Variants in ZPBP observed in about 807,000 individuals in gnomAD.
ZPBP encodes the protein zona pellucida-binding protein 1.
ZPBP carries 26 observed loss-of-function variants against 44.8 expected under a neutral mutation model. The ratio of observed to expected loss-of-function variants is 0.58; its 90% confidence interval spans 0.43 to 0.81. The LOEUF is 0.81. ZPBP is among the 30% of genes least tolerant of loss of function. ZPBP has a pLI of 0.00. For synonymous variants in ZPBP, 174 were observed against 153.2 expected (o/e 1.14, Z -1.00); for missense variants, 409 against 434.0 (o/e 0.94, Z 0.51).
intron 3 of ZPBP, 114 bp downstream of exon 3, chr7:50,081,659 CA>C (rs1289408820): frequency 7.5e-7 from 1 of 1,329,230 alleles, no homozygotes. Context: ...AAGGAAATCA[CA>C]AGAAAAAGAA....
At chr7:49,906,618 G>A (rs1163409037) in intron 1 of ZPBP, among the ~76,000 whole-genome samples, 1 of 152,158 alleles carries the variant, frequency 6.6e-6, no homozygotes, top group East Asian at 1.9e-4. Flanking sequence ...TTACAGGCGT[G>A]AGCCACCGCA....
chr7:49,985,713 A>T (rs912534284), intron 6 of ZPBP, among the ~76,000 whole-genome samples: 2 of 151,822 alleles, frequency 1.3e-5, no homozygotes, highest in Non-Finnish European at 2.9e-5. Context: ...GGAGGCAGAT[A>T]AGGGAGGATC....
intron 7 of ZPBP, among the ~76,000 whole-genome samples, chr7:49,980,324 A>G (rs955395426): frequency 5.2e-5 from 7 of 135,364 alleles, no homozygotes; most frequent in Non-Finnish European, 9.2e-5. Context: ...TATATAATAT[A>G]TAACATATAT....
rs925803149 is a variant in ZPBP at position 49,983,483 on chromosome 7, C to T, written c.820G>A (p.Val274Ile). ...NLIERFFNQQVEILGRRAEQL... is the reference protein window; with the variant it reads ...NLIERFFNQQIEILGRRAEQL... ...TCTGCACGTCTGCCAAGAATTTCTA[C>T]TTGTTGATTAAAAAATCTCTCTATG... is the stretch of plus-strand genomic sequence containing the variant. The change falls in exon 7 of 8, where the codon GTA becomes ATA. Residue 274 changes from valine (V) to isoleucine (I), a missense_variant. Val to Ile is a conservative substitution (Grantham distance 29). This residue lies in a region of ZPBP where 367 missense variants were observed against 363.1 expected (regional missense o/e 1.01). Transcript: ENST00000046087. 3 of 1,608,614 alleles carry T rather than the reference C, an allele frequency of 1.9e-6. No homozygotes were observed. Among genetic ancestry groups the T allele is most frequent in the Non-Finnish European group, 2.5e-6 (3 of 1,176,704 alleles).
intron 7 of ZPBP, 76 bp from the exon 8 acceptor site, chr7:49,937,698 T>G: frequency 2.5e-6 from 3 of 1,185,458 alleles, no homozygotes; most frequent in Non-Finnish European, 3.8e-6. Flanking sequence ...TCAATTCTTT[T>G]AAGTGTATAG....
intron 4 of ZPBP, among the ~76,000 whole-genome samples, chr7:50,049,161 T>C (rs1800556320): frequency 6.6e-6 from 1 of 151,826 alleles, no homozygotes; most frequent in African/African-American, 2.4e-5. Context: ...AATAAAAAGG[T>C]TGAATTAGTA....
intron 7 of ZPBP, among the ~76,000 whole-genome samples, chr7:49,979,841 ATATAT>A (rs1562816607): frequency 1.7e-4 from 14 of 81,086 alleles, no homozygotes; most frequent in Non-Finnish European, 3.2e-4. Flanking sequence ...ATATATATAT[ATATAT>A]AAAATATATA....
At chr7:50,016,225 C>T (rs1295045918) in intron 6 of ZPBP, among the ~76,000 whole-genome samples, 1 of 152,168 alleles carries the variant, frequency 6.6e-6, no homozygotes, top group African/African-American at 2.4e-5. Flanking sequence ...GAATACTATG[C>T]AGCCATAAAA....
chr7:49,957,489 G>C (rs2128762321), intron 7 of ZPBP, among the ~76,000 whole-genome samples: 1 of 152,222 alleles, frequency 6.6e-6, no homozygotes, highest in East Asian at 1.9e-4. Context: ...TCTGGCACAG[G>C]GCTCCTCAGT....
At chr7:49,900,984 A>T (rs1400398461) in intron 2 of ZPBP, 1 of 151,802 alleles carries the variant, frequency 6.6e-6, no homozygotes, top group Non-Finnish European at 1.5e-5. Context: ...AAAAATCACG[A>T]TGATATCAGT....
At chr7:50,090,996 T>A (rs1046400809) in intron 1 of ZPBP, among the ~76,000 whole-genome samples, 2 of 152,080 alleles carry the variant, frequency 1.3e-5, no homozygotes, top group African/African-American at 2.4e-5. Context: ...ATTTTTTGAT[T>A]ATGGCCATTC....
At chr7:49,983,946 AT>A (rs1797138780) in intron 6 of ZPBP, among the ~76,000 whole-genome samples, 2 of 100,088 alleles carry the variant, frequency 2.0e-5, no homozygotes, top group South Asian at 3.6e-4. Context: ...ACAAAAAAAT[AT>A]ATAACTTCTA....
At chr7:49,905,781 C>T (rs549187683) in intron 1 of ZPBP, among the ~76,000 whole-genome samples, 15 of 152,234 alleles carry the variant, frequency 9.9e-5, no homozygotes, top group South Asian at 2.1e-4. Flanking sequence ...AGAAAGAGGT[C>T]GGCTCAAGAA....
chr7:50,058,666 T>A (rs1228071878), intron 3 of ZPBP, among the ~76,000 whole-genome samples: 1 of 152,028 alleles, frequency 6.6e-6, no homozygotes, highest in Non-Finnish European at 1.5e-5. Context: ...GCTTATAAAT[T>A]TGAGGTTTGC....
chr7:49,941,307 T>C (rs923157408), intron 7 of ZPBP, among the ~76,000 whole-genome samples: 1 of 152,150 alleles, frequency 6.6e-6, no homozygotes, highest in African/African-American at 2.4e-5. Flanking sequence ...CCAAAAGTAT[T>C]GAAAGCAGGA....
At chr7:49,967,204 T>C (rs1440812989) in intron 7 of ZPBP, among the ~76,000 whole-genome samples, 2 of 152,206 alleles carry the variant, frequency 1.3e-5, no homozygotes, top group Non-Finnish European at 2.9e-5. Flanking sequence ...AAGCCACAGA[T>C]GATTATTCTC....
At chr7:49,979,931 T>C (rs1796710703) in intron 7 of ZPBP, among the ~76,000 whole-genome samples, 1 of 116,756 alleles carries the variant, frequency 8.6e-6, no homozygotes. Context: ...TATCATATAT[T>C]AGATAATATA....
intron 7 of ZPBP, among the ~76,000 whole-genome samples, chr7:49,950,219 G>A (rs1358442607): frequency 6.6e-6 from 1 of 151,902 alleles, no homozygotes; most frequent in Non-Finnish European, 1.5e-5. Flanking sequence ...TTTCACACAT[G>A]TGGTCTACAA....
At chr7:50,074,433 A>T (rs772045534) in intron 3 of ZPBP, among the ~76,000 whole-genome samples, 38 of 152,140 alleles carry the variant, frequency 2.5e-4, no homozygotes, top group South Asian at 4.1e-4. Context: ...TATAAATAAT[A>T]ACATTAAGTG....
Sources: gnomAD v4.1 joint callset for allele counts (sites outside exome capture counted in the v4.1 genomes callset) on GRCh38, gnomAD v4.1.1 for gene constraint, gnomAD v4.1.1 regional missense constraint, MANE v1.5 for transcripts, NCBI Gene and HGNC (gene_info 2026-07-23, HGNC 2026-07-21) for gene names.